The following HIBADH variants were observed in gnomAD, a reference collection of about 807,000 sequenced individuals.
HIBADH encodes 3-hydroxyisobutyrate dehydrogenase.
HIBADH carries 25 observed loss-of-function variants against 36.1 expected under a neutral mutation model. The observed-to-expected ratio is 0.69, with a 90% CI of 0.50 to 0.97. The LOEUF is 0.97. Among genes scored for constraint, HIBADH ranks in the 50% least tolerant of loss-of-function variants. The probability of loss-of-function intolerance (pLI) is 0.00; values close to 1 mark genes in which losing one functional copy is unlikely to be tolerated. For missense variants in HIBADH, 421 were observed against 418.0 expected (o/e 1.01, Z -0.06); for synonymous variants, 160 against 149.5 (o/e 1.07, Z -0.51).
chr7:27,599,404 C>A (rs1015520107), intron 4 of HIBADH, among the ~76,000 whole-genome samples: 1 of 151,992 alleles, frequency 6.6e-6, no homozygotes, highest in Non-Finnish European at 1.5e-5. Flanking sequence ...AATTGATGGC[C>A]GGGTGCGGTG....
At chr7:27,635,917 T>C (rs1255024836) in intron 2 of HIBADH, among the ~76,000 whole-genome samples, 1 of 152,262 alleles carries the variant, frequency 6.6e-6, no homozygotes, top group African/African-American at 2.4e-5. Flanking sequence ...CACAATATAG[T>C]CTTTAAGAAT....
Position 27,543,919 on chromosome 7 carries a change from G to A in HIBADH, c.485-819C>T, listed in dbSNP as rs1184068612. Among the ~76,000 whole-genome samples, 3 of 152,148 alleles carry A rather than the reference G, an allele frequency of 2.0e-5. No individual in the cohort carries two copies. In the Middle Eastern group the frequency reaches 0.01, roughly 518 times the overall value. On this transcript the variant is annotated intron_variant, in intron 4 of 7. Coordinates refer to ENST00000265395, the MANE Select transcript of HIBADH (RefSeq NM_152740.4). The stretch of plus-strand genomic sequence containing the variant: ...ATATAATCTAGACTTGTCCTAAAAG[G>A]GAGAGGAAAAGCTTCATTCATCTAA...
chr7:27,662,825 G>T lies in HIBADH; in HGVS notation c.-37C>A. 1.4e-6 allele frequency: 2 copies of T among 1,419,286 alleles called. No homozygotes were observed. Among genetic ancestry groups the T allele is most frequent in the Non-Finnish European group, 1.9e-6 (2 of 1,068,480 alleles). The allele number at this position is 1,419,286 out of a possible 1,614,324, so 87.9% of individuals were successfully genotyped here. On this transcript the variant is annotated 5_prime_UTR_variant, in exon 1 of 8. Coordinates refer to ENST00000265395, the MANE Select transcript of HIBADH (RefSeq NM_152740.4). ...CCCTCTCCCCGCGGTGACCTCCGCCGCCTCCCGGAGGGCCCACAGACTGCG... is the reference window on the plus strand; with the variant it reads ...CCCTCTCCCCGCGGTGACCTCCGCCTCCTCCCGGAGGGCCCACAGACTGCG...
intron 4 of HIBADH, among the ~76,000 whole-genome samples, chr7:27,571,033 CTTTCA>C (rs1784621183): frequency 2.0e-5 from 3 of 151,914 alleles, no homozygotes; most frequent in African/African-American, 7.2e-5. Flanking sequence ...CTCAACTTTT[CTTTCA>C]TATTTTCCAT....
chr7:27,639,856 T>A (rs2128295674), intron 2 of HIBADH, among the ~76,000 whole-genome samples: 1 of 152,312 alleles, frequency 6.6e-6, no homozygotes, highest in South Asian at 2.1e-4. Context: ...ATAAACAAGC[T>A]ATTAAGTAGT....
intron 4 of HIBADH, among the ~76,000 whole-genome samples, chr7:27,610,258 T>C (rs1182253227): frequency 6.6e-6 from 1 of 152,210 alleles, no homozygotes; most frequent in Admixed American, 6.5e-5. Context: ...ATTGATATAC[T>C]GCACATATTT....
intron 1 of HIBADH, among the ~76,000 whole-genome samples, chr7:27,653,832 G>A (rs1786245830): frequency 6.6e-6 from 1 of 152,122 alleles, no homozygotes; most frequent in African/African-American, 2.4e-5. Context: ...GTTAAGAGGT[G>A]AAATTTGTAA....
At chr7:27,632,584 A>C in intron 2 of HIBADH, 139 bp from the exon 3 acceptor site, 1 of 470,062 alleles carries the variant, frequency 2.1e-6, no homozygotes, top group Non-Finnish European at 3.8e-6. Context: ...AATGACCAAA[A>C]AAAAAAAAAA....
intron 1 of HIBADH, among the ~76,000 whole-genome samples, chr7:27,654,143 A>C (rs1214212814): frequency 6.6e-6 from 1 of 152,210 alleles, no homozygotes; most frequent in Non-Finnish European, 1.5e-5. Flanking sequence ...TAGATACCAA[A>C]GGAAAGATTA....
intron 2 of HIBADH, among the ~76,000 whole-genome samples, chr7:27,634,911 G>A (rs1408610987): frequency 6.6e-6 from 1 of 152,194 alleles, no homozygotes; most frequent in African/African-American, 2.4e-5. Flanking sequence ...TCTTGAGATG[G>A]TTGCATTGCC....
At chr7:27,532,196 T>C (rs1457559767) in intron 6 of HIBADH, among the ~76,000 whole-genome samples, 1 of 152,218 alleles carries the variant, frequency 6.6e-6, no homozygotes, top group Non-Finnish European at 1.5e-5. Flanking sequence ...AAAGATATAA[T>C]GCAGTTTGGG....
chr7:27,617,412 C>T (rs1179861814), intron 4 of HIBADH, among the ~76,000 whole-genome samples: 2 of 152,310 alleles, frequency 1.3e-5, no homozygotes, highest in Non-Finnish European at 2.9e-5. Context: ...TTGATCTCAG[C>T]AGTCCTAACA....
chr7:27,568,026 G>A (rs1334748129), intron 4 of HIBADH, among the ~76,000 whole-genome samples: 9 of 152,164 alleles, frequency 5.9e-5, no homozygotes, highest in Non-Finnish European at 1.3e-4. Flanking sequence ...TAATCCCACT[G>A]TAAGTCAAGG....
chr7:27,646,998 T>C (rs1174839176), intron 2 of HIBADH, among the ~76,000 whole-genome samples: 1 of 152,122 alleles, frequency 6.6e-6, no homozygotes, highest in Non-Finnish European at 1.5e-5. Flanking sequence ...GCCCAGCCAG[T>C]TTTTCTTTAT....
In HIBADH at chr7:27,662,265, C is replaced by T. The variant is rs866379193; in HGVS notation, c.91+433G>A. Among the ~76,000 whole-genome samples the T allele has an allele frequency of 2.0e-5, 3 of 152,108 alleles. No homozygotes were observed. In the South Asian group the frequency reaches 6.2e-4, roughly 32 times the overall value. ...GTGGTTAAACATCAGGCCCTGCTGC[C>T]CAAGTGTGTCCCCAACCCAAGGTGC... On this transcript the variant is annotated intron_variant, in intron 1 of 7. Coordinates refer to ENST00000265395, the MANE Select transcript of HIBADH (RefSeq NM_152740.4).
intron 4 of HIBADH, among the ~76,000 whole-genome samples, chr7:27,564,367 C>CTA (rs1466303082): frequency 6.6e-6 from 1 of 152,096 alleles, no homozygotes; most frequent in African/African-American, 2.4e-5. Flanking sequence ...AAGATGTGAG[C>CTA]TATAGATCAA....
At chr7:27,586,938 G>A (rs1409992220) in intron 4 of HIBADH, among the ~76,000 whole-genome samples, 1 of 152,196 alleles carries the variant, frequency 6.6e-6, no homozygotes, top group Non-Finnish European at 1.5e-5. Flanking sequence ...GCAGTCGCCA[G>A]GGTCCAGCTG....
intron 4 of HIBADH, among the ~76,000 whole-genome samples, chr7:27,624,466 T>C (rs899266596): frequency 1.3e-5 from 2 of 152,220 alleles, no homozygotes; most frequent in South Asian, 2.1e-4. Flanking sequence ...TATGGAAATA[T>C]CAACTTTATT....
At chr7:27,561,731 T>TA (rs1270883634) in intron 4 of HIBADH, among the ~76,000 whole-genome samples, 3 of 152,188 alleles carry the variant, frequency 2.0e-5, no homozygotes, top group African/African-American at 7.2e-5. Flanking sequence ...TAGACATTTA[T>TA]AAATTTCTTC....
Sources: allele counts gnomAD v4.1 joint callset (sites outside exome capture counted in the v4.1 genomes callset), GRCh38; gene constraint gnomAD v4.1.1; transcripts MANE v1.5; gene names NCBI Gene and HGNC (gene_info 2026-07-23, HGNC 2026-07-21).